Variants in PDE3A observed in about 807,000 individuals in gnomAD.
PDE3A encodes the protein phosphodiesterase 3A.
PDE3A carries 43 observed loss-of-function variants against 98.3 expected under a neutral mutation model. That is an observed-to-expected ratio of 0.44 (90% CI 0.34 to 0.56). PDE3A has a LOEUF of 0.56. Ranked by LOEUF, PDE3A falls within the 20% of genes least tolerant of loss-of-function variation. The pLI, the probability that PDE3A is intolerant of heterozygous loss-of-function variation, is 0.01. For missense variants in PDE3A, 1,427 were observed against 1,440.7 expected (o/e 0.99, Z 0.15); for synonymous variants, 663 against 567.9 (o/e 1.17, Z -2.38).
chr12:20,608,850 G>A (rs907578760), intron 2 of PDE3A, among the ~76,000 whole-genome samples: 1 of 151,882 alleles, frequency 6.6e-6, no homozygotes, highest in African/African-American at 2.4e-5. Context: ...GTTATTACTA[G>A]AGAATAAACT....
intron 6 of PDE3A, 42 bp from the exon 7 acceptor site, chr12:20,633,650 GA>G: frequency 8.5e-7 from 1 of 1,179,820 alleles, no homozygotes; most frequent in Non-Finnish European, 1.2e-6. Flanking sequence ...ATGACTTTTT[GA>G]AAAGAGGAGG....
chr12:20,535,971 T>C (rs78331273), intron 1 of PDE3A, among the ~76,000 whole-genome samples: 5,449 of 152,216 alleles, frequency 0.036, 138 homozygotes, highest in Middle Eastern at 0.065. Flanking sequence ...AAATGTTAGA[T>C]ATTGCATCTC....
chr12:20,407,325 A>G (rs1398103281), intron 1 of PDE3A, among the ~76,000 whole-genome samples: 1 of 152,240 alleles, frequency 6.6e-6, no homozygotes, highest in African/African-American at 2.4e-5. Context: ...TGTTTTCCTC[A>G]TAAATACATG....
chr12:20,472,584 T>G (rs377284437), intron 1 of PDE3A, among the ~76,000 whole-genome samples: 4 of 64,846 alleles, frequency 6.2e-5, no homozygotes, highest in Non-Finnish European at 1.1e-4. Flanking sequence ...TTAATCTAAA[T>G]GACCACATTA....
chr12:20,671,373 G>A (rs560982405), intron 15 of PDE3A, among the ~76,000 whole-genome samples: 92 of 152,128 alleles, frequency 6.0e-4, no homozygotes, highest in Middle Eastern at 6.8e-3. Context: ...TCCTGATACC[G>A]AAGCCAGGCA....
chr12:20,643,852 C>G (rs191634475), intron 10 of PDE3A, among the ~76,000 whole-genome samples: 29 of 151,712 alleles, frequency 1.9e-4, no homozygotes, highest in Admixed American at 6.6e-4. Context: ...AAAACATTAC[C>G]TATAAAGTTT....
chr12:20,493,533 G>A (rs1945864148), intron 1 of PDE3A, among the ~76,000 whole-genome samples: 1 of 151,976 alleles, frequency 6.6e-6, no homozygotes, highest in South Asian at 2.1e-4. Flanking sequence ...AGATACCAAG[G>A]GTTGACTATA....
At chr12:20,575,644 T>C (rs1942911782) in intron 2 of PDE3A, among the ~76,000 whole-genome samples, 1 of 152,028 alleles carries the variant, frequency 6.6e-6, no homozygotes, top group African/African-American at 2.4e-5. Context: ...TTTGGGATCA[T>C]CTACAGACTT....
rs148247441 is a variant in PDE3A at position 20,525,474 on chromosome 12, G to T, written c.961-31186G>T. Among the ~76,000 whole-genome samples the T allele has an allele frequency of 5.6e-3, 820 of 147,122 alleles. 8 individuals are homozygous for T. The highest frequency in any genetic ancestry group is 0.019 in the African/African-American group (775 of 39,760). On this transcript the variant is annotated intron_variant, in intron 1 of 15. Transcript: ENST00000359062. The stretch of plus-strand genomic sequence containing the variant: ...GAAACATTCTGATTTGGTTGGGGGG[G>T]GGGGCTTTTGACATCATCTGTTTCA...
intron 2 of PDE3A, among the ~76,000 whole-genome samples, chr12:20,595,984 AT>A (rs762480637): frequency 6.6e-6 from 1 of 152,284 alleles, no homozygotes; most frequent in South Asian, 2.1e-4. Flanking sequence ...AAAAAAACAT[AT>A]TTTTAATCAG....
chr12:20,668,689 A>C (rs12314868), intron 15 of PDE3A, among the ~76,000 whole-genome samples: 9,434 of 149,760 alleles, frequency 0.063, 570 homozygotes, highest in Middle Eastern at 0.19. Flanking sequence ...CACACCAAAA[A>C]CCCATCTGTA....
At chr12:20,663,979 A>G (rs577922902) in intron 15 of PDE3A, among the ~76,000 whole-genome samples, 7 of 152,088 alleles carry the variant, frequency 4.6e-5, no homozygotes, top group Non-Finnish European at 1.0e-4. Flanking sequence ...AGTGGGAGGT[A>G]ATTGAATCAT....
chr12:20,671,450 A>T (rs1945479371), intron 15 of PDE3A, among the ~76,000 whole-genome samples: 1 of 149,268 alleles, frequency 6.7e-6, no homozygotes, highest in Non-Finnish European at 1.5e-5. Context: ...AAAATCCTCA[A>T]TAAAATACTG....
At chr12:20,438,090 C>T (rs971704639) in intron 1 of PDE3A, among the ~76,000 whole-genome samples, 4 of 151,684 alleles carry the variant, frequency 2.6e-5, no homozygotes, top group African/African-American at 7.3e-5. Context: ...TGGGGGTCTC[C>T]GATAGCTGAT....
At chr12:20,383,999 T>A (rs997084107) in intron 1 of PDE3A, among the ~76,000 whole-genome samples, 2 of 151,968 alleles carry the variant, frequency 1.3e-5, no homozygotes, top group African/African-American at 2.4e-5. Context: ...ACCAAAATGA[T>A]AATGTCAGGG....
chr12:20,656,886 T>C (rs1219661553), intron 15 of PDE3A, among the ~76,000 whole-genome samples: 1 of 152,204 alleles, frequency 6.6e-6, no homozygotes, highest in African/African-American at 2.4e-5. Flanking sequence ...ACCTAGCCTT[T>C]AGCAGCAAAT....
intron 2 of PDE3A, among the ~76,000 whole-genome samples, chr12:20,561,739 A>G (rs2121286607): frequency 6.6e-6 from 1 of 152,266 alleles, no homozygotes; most frequent in South Asian, 2.1e-4. Context: ...TGTATTTCAA[A>G]ATTGTATCAT....
At chr12:20,397,489 A>G (rs1591885377) in intron 1 of PDE3A, among the ~76,000 whole-genome samples, 1 of 152,062 alleles carries the variant, frequency 6.6e-6, no homozygotes, top group Admixed American at 6.6e-5. Flanking sequence ...TATAACCCAT[A>G]CTAAAAACAA....
chr12:20,642,871 T>C (rs1944676356), intron 10 of PDE3A, among the ~76,000 whole-genome samples: 2 of 152,210 alleles, frequency 1.3e-5, no homozygotes. Flanking sequence ...CTATTCTTTA[T>C]TACTTCTTCT....
Sources: gnomAD v4.1 joint callset for allele counts (sites outside exome capture counted in the v4.1 genomes callset) on GRCh38, gnomAD v4.1.1 for gene constraint, MANE v1.5 for transcripts, NCBI Gene and HGNC (gene_info 2026-07-23, HGNC 2026-07-21) for gene names.